Variants in SAXO4 observed in about 807,000 individuals in gnomAD.
SAXO4 encodes protein phosphatase 1 regulatory subunit 32.
chr11:61,482,259 G>A, the SAXO4 span: 1 of 1,547,288 alleles, frequency 6.5e-7, no homozygotes, highest in Non-Finnish European at 8.9e-7. Context: ...TGCCTGGGAA[G>A]CCCTGCCTGT....
chr11:61,490,585 G>A, the SAXO4 span: 3 of 1,611,972 alleles, frequency 1.9e-6, no homozygotes, highest in African/African-American at 4.0e-5. Context: ...TGAGCCCTTG[G>A]TAAGGGGCTG....
At chr11:61,484,465 G>A in the SAXO4 span, among the ~76,000 whole-genome samples, 1 of 152,176 alleles carries the variant, frequency 6.6e-6, no homozygotes, top group African/African-American at 2.4e-5. Context: ...AGCAGGGTGA[G>A]GCACTCAGGT....
chr11:61,486,663 G>A, the SAXO4 span: 1 of 1,518,360 alleles, frequency 6.6e-7, no homozygotes, highest in Non-Finnish European at 9.1e-7. Flanking sequence ...GGAGGTTTCT[G>A]GGAAGAGGTG....
At chr11:61,484,744 G>A in the SAXO4 span, 2 of 1,613,304 alleles carry the variant, frequency 1.2e-6, no homozygotes, top group African/African-American at 2.7e-5. Context: ...TCACGGGGCT[G>A]GAGCCCAGGG....
the SAXO4 span, chr11:61,485,240 TCAGAGCA>T: frequency 9.2e-7 from 1 of 1,090,314 alleles, no homozygotes; most frequent in Non-Finnish European, 1.4e-6. Context: ...ACAGGCTTCC[TCAGAGCA>T]CAGAGAACCG....
chr11:61,489,964 T>C, the SAXO4 span: 1 of 1,598,338 alleles, frequency 6.3e-7, no homozygotes, highest in Admixed American at 1.7e-5. Flanking sequence ...CACCCCCAGC[T>C]CTGTTCTTTC....
At chr11:61,490,739 C>G in the SAXO4 span, 1 of 659,820 alleles carries the variant, frequency 1.5e-6, no homozygotes, top group South Asian at 1.7e-5. Flanking sequence ...CTCAGAACCC[C>G]TTCTCTGCCA....
chr11:61,486,581 C>T, the SAXO4 span: 74 of 1,614,106 alleles, frequency 4.6e-5, no homozygotes, highest in Non-Finnish European at 5.6e-5. Flanking sequence ...AGCCTTCAGC[C>T]GAGGGAATGA....
the SAXO4 span, chr11:61,481,782 G>A: frequency 7.4e-7 from 1 of 1,351,178 alleles, no homozygotes; most frequent in Non-Finnish European, 9.9e-7. Context: ...TCCTTTCTAG[G>A]CCCCCTGGGG....
chr11:61,486,660 TCTGG>T, the SAXO4 span: 12 of 1,557,052 alleles, frequency 7.7e-6, no homozygotes, highest in Non-Finnish European at 1.1e-5. Flanking sequence ...CAGGGAGGTT[TCTGG>T]GAAGAGGTGG....
At chr11:61,486,277 G>A in the SAXO4 span, 1 of 1,545,578 alleles carries the variant, frequency 6.5e-7, no homozygotes, top group Admixed American at 1.7e-5. Context: ...GAGGCAGAGT[G>A]GGTGGGAGCC....
At chr11:61,484,855 GA>G in the SAXO4 span, 4 of 1,532,182 alleles carry the variant, frequency 2.6e-6, no homozygotes, top group African/African-American at 5.5e-5. Flanking sequence ...GGGTGGGGCA[GA>G]GGGGCCACAC....
At chr11:61,490,621 G>T in the SAXO4 span, 1 of 1,555,996 alleles carries the variant, frequency 6.4e-7, no homozygotes, top group South Asian at 1.1e-5. Flanking sequence ...AGCTGCTCTG[G>T]TTGTGTGGGC....
chr11:61,482,262 C>T, the SAXO4 span: 19 of 1,562,428 alleles, frequency 1.2e-5, no homozygotes, highest in Admixed American at 5.0e-5. Flanking sequence ...CTGGGAAGCC[C>T]TGCCTGTTTT....
At chr11:61,486,662 T>TG in the SAXO4 span, 1 of 1,519,622 alleles carries the variant, frequency 6.6e-7, no homozygotes, top group Middle Eastern at 1.7e-4. Flanking sequence ...GGGAGGTTTC[T>TG]GGGAAGAGGT....
chr11:61,482,932 G>A, the SAXO4 span: 1 of 1,003,636 alleles, frequency 1.0e-6, no homozygotes, highest in Non-Finnish European at 1.4e-6. Flanking sequence ...TAGGGATGGG[G>A]TCCACTCATC....
At chr11:61,481,143 A>C in the SAXO4 span, 1 of 152,186 alleles carries the variant, frequency 6.6e-6, no homozygotes, top group Non-Finnish European at 1.5e-5. Context: ...GGCCTCCTCC[A>C]GGAGGGCTGG....
chr11:61,482,986 C>T, the SAXO4 span, among the ~76,000 whole-genome samples: 1 of 151,636 alleles, frequency 6.6e-6, no homozygotes, highest in African/African-American at 2.4e-5. Context: ...ATCCCCACCA[C>T]CTCTATTCCC....
the SAXO4 span, chr11:61,482,845 A>G: frequency 3.9e-6 from 6 of 1,557,086 alleles, no homozygotes; most frequent in Non-Finnish European, 4.3e-6. Flanking sequence ...GGGAAGCCTC[A>G]GGGTGGGGTG....
Sources: gnomAD v4.1 joint callset for allele counts (sites outside exome capture counted in the v4.1 genomes callset) on GRCh38, gnomAD v4.1.1 for gene constraint, MANE v1.5 for transcripts, NCBI Gene and HGNC (gene_info 2026-07-23, HGNC 2026-07-21) for gene names.